The following KDELR2 variants were observed in gnomAD, a reference collection of about 807,000 sequenced individuals.
The protein encoded by KDELR2 is KDEL endoplasmic reticulum protein retention receptor 2.
KDELR2 carries 15 observed loss-of-function variants against 23.9 expected under a neutral mutation model. The ratio of observed to expected loss-of-function variants is 0.63; its 90% CI spans 0.42 to 0.97. The LOEUF is 0.97. Ranked by LOEUF, KDELR2 falls within the 50% of genes least tolerant of loss-of-function variation. KDELR2 has a pLI of 0.00. For missense variants in KDELR2, 272 were observed against 254.6 expected, an observed-to-expected ratio of 1.07 and a Z score of -0.46; for synonymous variants, 119 against 106.2, an observed-to-expected ratio of 1.12 and a Z score of -0.74.
At chr7:6,464,969 C>CA (rs1785469920) in intron 4 of KDELR2, among the ~76,000 whole-genome samples, 1 of 151,838 alleles carries the variant, frequency 6.6e-6, no homozygotes, top group Non-Finnish European at 1.5e-5. Flanking sequence ...CTCCTGACCT[C>CA]AGACGATCCA....
At chr7:6,470,985 C>T (rs918383584) in intron 2 of KDELR2, among the ~76,000 whole-genome samples, 4 of 151,074 alleles carry the variant, frequency 2.6e-5, no homozygotes, top group Admixed American at 2.0e-4. Context: ...GGCGTGGTGG[C>T]GGGTGCCTAT....
chr7:6,482,497 G>A (rs574316018), intron 1 of KDELR2: 107 of 452,738 alleles, frequency 2.4e-4, no homozygotes, highest in South Asian at 1.7e-3. Flanking sequence ...ACTGGCACAT[G>A]GACTTTGTAA....
At chr7:6,463,304 T>C (rs1785427247) in intron 4 of KDELR2, 129 bp from the exon 5 acceptor site, 3 of 698,188 alleles carry the variant, frequency 4.3e-6, no homozygotes, top group East Asian at 5.3e-5. Flanking sequence ...AAATAAGCAA[T>C]TGTATTTTAA....
chr7:6,463,171 G>C lies in KDELR2; in HGVS notation c.609C>G (p.Leu203=). ...CTGGCAAACTGAGCTTCTTTCCCTT[G>C]AGTACTAGAATTTCAAAGAGAAGAA... ...DFFYLYITKV[L]KGKKLSLPA The change falls in exon 5 of 5, where the codon CTC becomes CTG. Residue 203 remains leucine (L), a synonymous_variant. Coordinates refer to ENST00000258739, the MANE Select transcript of KDELR2 (RefSeq NM_006854.4). 1.2e-6 allele frequency: 2 copies of C among 1,612,296 alleles called. No homozygotes were observed. Among genetic ancestry groups the C allele is most frequent in the Non-Finnish European group, 8.5e-7 (1 of 1,179,354 alleles).
rs146260853 is a variant in KDELR2 at position 6,465,415 on chromosome 7, C to G, written c.604+656G>C. Reference sequence around the variant, plus strand: ...AGCCAGGATGGTCTCGATCTCCTGACCTCATGATCCGCCCGCCTCGGCCTC... The same window carrying G: ...AGCCAGGATGGTCTCGATCTCCTGAGCTCATGATCCGCCCGCCTCGGCCTC... On this transcript the variant is annotated intron_variant, in intron 4 of 4. Transcript: ENST00000258739. Among the ~76,000 whole-genome samples, 278 of 151,592 alleles carry G rather than the reference C, an allele frequency of 1.8e-3. 1 individual carries two copies. Among genetic ancestry groups the G allele is most frequent in the African/African-American group, 6.4e-3 (265 of 41,346 alleles).
At position 6,463,163 on chromosome 7, in the gene KDELR2, T is replaced by C. The variant is rs758567253; in HGVS notation, c.617A>G (p.Lys206Arg). 3.9e-5 allele frequency: 63 copies of C among 1,613,462 alleles called. No homozygotes were observed. The highest frequency in any genetic ancestry group is 3.2e-4 in the Admixed American group (19 of 59,870). ...YLYITKVLKG[K>R]KLSLPA is the part of the protein sequence containing the mutation. ...CACTTATGCTGGCAAACTGAGCTTC[T>C]TTCCCTTGAGTACTAGAATTTCAAA... The change falls in exon 5 of 5, where the codon AAG (lysine) becomes AGG (arginine). Residue 206 changes from lysine to arginine, a missense_variant. Physicochemically the swap from Lys to Arg is conservative, Grantham distance 26 (BLOSUM62 2). Transcript: ENST00000258739.
At chr7:6,476,387 G>C (rs1785752779) in intron 1 of KDELR2, among the ~76,000 whole-genome samples, 1 of 152,204 alleles carries the variant, frequency 6.6e-6, no homozygotes, top group Non-Finnish European at 1.5e-5. Flanking sequence ...TGACAAGGCT[G>C]CTGCTAACCA....
intron 2 of KDELR2, 69 bp downstream of exon 2, chr7:6,474,115 A>T: frequency 1.1e-6 from 1 of 899,894 alleles, no homozygotes; most frequent in African/African-American, 1.7e-5. Flanking sequence ...TACACAGCTG[A>T]CATAAATTAA....
At chr7:6,469,307 G>A (rs577719108) in intron 3 of KDELR2, among the ~76,000 whole-genome samples, 24 of 152,114 alleles carry the variant, frequency 1.6e-4, no homozygotes, top group Non-Finnish European at 3.1e-4. Flanking sequence ...CCAGGCTGGA[G>A]TACAATGGCG....
At position 6,484,147 on chromosome 7, in the gene KDELR2, G is replaced by T; in HGVS notation, c.-90C>A. 9.4e-7 allele frequency: 1 copy of T among 1,058,660 alleles called. No individual in the cohort carries two copies. The allele number at this position is 1,058,660 out of a possible 1,614,324, so 65.6% of individuals were successfully genotyped here. A position where few individuals can be genotyped will look rare whatever the true frequency, so the allele number is the denominator to read the frequency against. ...GCGGCCCCTGAGAGGAAGCGGCGAAGATGGCGAGATCGCCCGCGACGTGGC... is the reference window on the plus strand; with the variant it reads ...GCGGCCCCTGAGAGGAAGCGGCGAATATGGCGAGATCGCCCGCGACGTGGC... On this transcript the variant is annotated 5_prime_UTR_variant, in exon 1 of 5. Transcript: ENST00000258739.
chr7:6,472,815 T>C (rs1785678862), intron 2 of KDELR2, among the ~76,000 whole-genome samples: 1 of 151,830 alleles, frequency 6.6e-6, no homozygotes, highest in South Asian at 2.1e-4. Flanking sequence ...TAGTGCCTGG[T>C]GCACAGGTGC....
At chr7:6,469,142 C>T (rs951572821) in intron 3 of KDELR2, among the ~76,000 whole-genome samples, 8 of 151,336 alleles carry the variant, frequency 5.3e-5, no homozygotes, top group Admixed American at 1.3e-4. Flanking sequence ...TTAGTACAGA[C>T]GGGGTTTCAC....
rs73342995 is a variant in KDELR2 at position 6,473,622 on chromosome 7, C to A, written c.192+562G>T. ...ACAAGTTGAAAGGTTTAAAAAAATACGTTACTAAGTAAATGATGGTATAGA... is the reference window on the plus strand; with the variant it reads ...ACAAGTTGAAAGGTTTAAAAAAATAAGTTACTAAGTAAATGATGGTATAGA... On this transcript the variant is annotated intron_variant, in intron 2 of 4. Transcript: ENST00000258739. Among the ~76,000 whole-genome samples, 427 of 152,176 alleles carry A rather than the reference C, an allele frequency of 2.8e-3. 2 individuals are homozygous for A. The highest frequency in any genetic ancestry group is 0.01 in the African/African-American group (421 of 41,510).
chr7:6,473,965 AT>A, intron 2 of KDELR2: 1 of 391,676 alleles, frequency 2.6e-6, no homozygotes, highest in Non-Finnish European at 4.5e-6. Context: ...AAGTATTTTA[AT>A]TAACTACTGT....
At chr7:6,468,351 A>G (rs1412460861) in intron 3 of KDELR2, among the ~76,000 whole-genome samples, 3 of 152,144 alleles carry the variant, frequency 2.0e-5, no homozygotes, top group Non-Finnish European at 4.4e-5. Flanking sequence ...TTTTCTTTAG[A>G]TGGAGTCTTG....
In KDELR2 at chr7:6,465,279, G is replaced by A. The variant is rs547178750; in HGVS notation, c.604+792C>T. ...GCTCACTGCAAGCTCCGCCTCCCAG[G>A]TTCACACCATTCTCCTGCCTCAGCC... is the stretch of plus-strand genomic sequence containing the variant. On this transcript the variant is annotated intron_variant, in intron 4 of 4. Coordinates refer to ENST00000258739, the MANE Select transcript of KDELR2 (RefSeq NM_006854.4). Among the ~76,000 whole-genome samples the A allele has an allele frequency of 2.0e-5, 3 of 151,448 alleles. No individual in the cohort carries two copies. In the South Asian group the frequency reaches 6.3e-4, roughly 32 times the overall value.
chr7:6,479,748 A>G (rs1373943438), intron 1 of KDELR2, among the ~76,000 whole-genome samples: 1 of 152,240 alleles, frequency 6.6e-6, no homozygotes, highest in East Asian at 1.9e-4. Context: ...AAGTCCTAGG[A>G]TTACAGGCGT....
chr7:6,477,989 A>T (rs1785791271), intron 1 of KDELR2, among the ~76,000 whole-genome samples: 1 of 152,206 alleles, frequency 6.6e-6, no homozygotes, highest in Non-Finnish European at 1.5e-5. Flanking sequence ...TAAACCAAAA[A>T]TAAGACATGA....
intron 2 of KDELR2, among the ~76,000 whole-genome samples, chr7:6,471,853 G>GT (rs1265764038): frequency 6.6e-6 from 1 of 152,052 alleles, no homozygotes; most frequent in Non-Finnish European, 1.5e-5. Flanking sequence ...CTTCTCTTGG[G>GT]TATGTACTTA....
Sources: gnomAD v4.1 joint callset for allele counts (sites outside exome capture counted in the v4.1 genomes callset) on GRCh38, gnomAD v4.1.1 for gene constraint, MANE v1.5 for transcripts, NCBI Gene and HGNC (gene_info 2026-07-23, HGNC 2026-07-21) for gene names.